SLC7A11: variants seen among roughly 807,000 people sequenced by gnomAD.
SLC7A11 encodes the protein solute carrier family 7 member 11.
In SLC7A11, 35 loss-of-function variants were observed where a neutral mutation model predicts 54.5. The observed-to-expected ratio is 0.64, with a 90% confidence interval of 0.49 to 0.85. SLC7A11 has a LOEUF of 0.85. Among genes scored for constraint, SLC7A11 ranks in the 40% least tolerant of loss-of-function variants. The pLI, the probability that SLC7A11 is intolerant of heterozygous loss-of-function variation, is 0.00. For missense variants in SLC7A11, 583 were observed against 618.1 expected, an observed-to-expected ratio of 0.94 and a Z score of 0.60; for synonymous variants, 230 against 225.2, an observed-to-expected ratio of 1.02 and a Z score of -0.19.
chr4:138,213,532 C>CCTCTCT (rs71600143), intron 6 of SLC7A11, among the ~76,000 whole-genome samples: 49,968 of 148,402 alleles, frequency 0.34, 9,097 homozygotes, highest in Middle Eastern at 0.5. Context: ...TTGTGTTTCT[C>CCTCTCT]CTCTCTCTCT....
intron 11 of SLC7A11, among the ~76,000 whole-genome samples, chr4:138,172,376 C>T (rs534161630): frequency 3.9e-5 from 6 of 152,168 alleles, no homozygotes; most frequent in African/African-American, 1.4e-4. Flanking sequence ...CTTTTTGCAC[C>T]TATGAGATTA....
intron 11 of SLC7A11, among the ~76,000 whole-genome samples, chr4:138,178,732 A>G (rs915288267): frequency 4.0e-4 from 61 of 152,098 alleles, no homozygotes; most frequent in African/African-American, 1.4e-3. Context: ...TGTTCTCTCC[A>G]TTGTTCTTGT....
chr4:138,241,537 C>G (rs533158726), intron 1 of SLC7A11, among the ~76,000 whole-genome samples: 11 of 152,118 alleles, frequency 7.2e-5, no homozygotes, highest in East Asian at 3.9e-4. Flanking sequence ...CTCATCACCA[C>G]AGAGAAAAGT....
chr4:138,237,910 C>T (rs992115059), intron 1 of SLC7A11, among the ~76,000 whole-genome samples: 2 of 149,070 alleles, frequency 1.3e-5, no homozygotes, highest in African/African-American at 4.9e-5. Context: ...TGCCAGCACG[C>T]CTGGCTAATT....
chr4:138,178,141 A>C (rs921104047), intron 11 of SLC7A11: 4 of 152,114 alleles, frequency 2.6e-5, no homozygotes, highest in Non-Finnish European at 4.4e-5. Context: ...CCTCAGTAGG[A>C]TATTATATGA....
At chr4:138,188,158 A>C (rs6842998) in intron 6 of SLC7A11, among the ~76,000 whole-genome samples, 3,007 of 152,170 alleles carry the variant, frequency 0.02, 96 homozygotes, top group African/African-American at 0.067. Flanking sequence ...CTGCCTCCCA[A>C]GTTCAAGCAA....
At chr4:138,179,828 A>G (rs367546933) in intron 10 of SLC7A11, among the ~76,000 whole-genome samples, 44 of 152,198 alleles carry the variant, frequency 2.9e-4, no homozygotes, top group African/African-American at 9.4e-4. Context: ...TTCAGTGCAT[A>G]TTGATTTTTC....
intron 3 of SLC7A11, among the ~76,000 whole-genome samples, chr4:138,227,075 G>T (rs1737962972): frequency 1.3e-5 from 2 of 152,216 alleles, no homozygotes. Context: ...GACTGAAGCT[G>T]TGATTTAAGG....
rs377578793 is a variant in SLC7A11 at position 138,186,455 on chromosome 4, T to C, written c.792-1211A>G. On this transcript the variant is annotated intron_variant, in intron 6 of 11. Transcript: ENST00000280612. Reference sequence around the variant, plus strand: ...GCGATATCCCCTGTTGAAAACATGCTAGCCTAGCCAGTCAGCAACTGTCAT... The same window carrying C: ...GCGATATCCCCTGTTGAAAACATGCCAGCCTAGCCAGTCAGCAACTGTCAT... Among the ~76,000 whole-genome samples, 7 of 152,188 alleles carry C rather than the reference T, an allele frequency of 4.6e-5. No homozygotes were observed. The East Asian group carries it at 1.2e-3, about 25-fold the overall frequency.
At chr4:138,210,130 A>G (rs1341096795) in intron 6 of SLC7A11, among the ~76,000 whole-genome samples, 1 of 152,090 alleles carries the variant, frequency 6.6e-6, no homozygotes, top group Non-Finnish European at 1.5e-5. Flanking sequence ...GTCAACAACA[A>G]TAAGCAACAG....
chr4:138,169,997 T>C lies in SLC7A11; in HGVS notation c.*1959A>G, dbSNP rs1018116507. On this transcript the variant is annotated 3_prime_UTR_variant, in exon 12 of 12. Coordinates refer to ENST00000280612, the MANE Select transcript of SLC7A11 (RefSeq NM_014331.4). ...TGGAAATGCTCCAAATTATAGGTCA[T>C]CATTTCTACTTTGGACAATTTTTTA... The C allele has an allele frequency of 2.0e-5, 3 of 151,642 alleles. No homozygotes were observed. The highest frequency in any genetic ancestry group is 4.4e-5 in the Non-Finnish European group (3 of 67,902). The allele number at this position is 151,642 out of a possible 1,614,324, so 9.4% of individuals were successfully genotyped here.
Position 138,242,173 on chromosome 4 carries a change from A to G in SLC7A11, c.-104T>C. On this transcript the variant is annotated 5_prime_UTR_variant, in exon 1 of 12. Transcript: ENST00000280612. ...GATCGATGTCTTCCTCTGCTTTCAGACTGTCTCTCTCAGCGCTATAGTGTT... is the reference window on the plus strand; with the variant it reads ...GATCGATGTCTTCCTCTGCTTTCAGGCTGTCTCTCTCAGCGCTATAGTGTT... The G allele has an allele frequency of 7.6e-7, 1 of 1,312,482 alleles. No homozygotes were observed. Among genetic ancestry groups the G allele is most frequent in the Non-Finnish European group, 1.0e-6 (1 of 957,864 alleles). 81.3% of individuals were successfully genotyped at this position (1,312,482 alleles called of 1,614,324 possible).
At chr4:138,234,584 T>G (rs1004596390) in intron 2 of SLC7A11, among the ~76,000 whole-genome samples, 5 of 152,028 alleles carry the variant, frequency 3.3e-5, no homozygotes, top group African/African-American at 9.7e-5. Context: ...TAAATTAAAG[T>G]AACATTTGAT....
At chr4:138,224,090 G>C (rs1455007400) in intron 3 of SLC7A11, among the ~76,000 whole-genome samples, 1 of 152,194 alleles carries the variant, frequency 6.6e-6, no homozygotes, top group Non-Finnish European at 1.5e-5. Flanking sequence ...CTCAAGGATA[G>C]AGCAAGGGTT....
chr4:138,208,017 T>C (rs1053957541), intron 6 of SLC7A11, among the ~76,000 whole-genome samples: 3 of 152,110 alleles, frequency 2.0e-5, no homozygotes, highest in Non-Finnish European at 4.4e-5. Flanking sequence ...TGTGGACCAT[T>C]TGTAGACCAA....
chr4:138,209,186 G>A (rs1737482135), intron 6 of SLC7A11, among the ~76,000 whole-genome samples: 1 of 151,748 alleles, frequency 6.6e-6, no homozygotes, highest in South Asian at 2.1e-4. Flanking sequence ...CTTTCTATTA[G>A]GTCACAAATT....
chr4:138,237,638 T>A (rs533854502), intron 1 of SLC7A11, among the ~76,000 whole-genome samples: 1 of 134,996 alleles, frequency 7.4e-6, no homozygotes. Flanking sequence ...CCTCAGAAGA[T>A]CCATCCACCT....
In SLC7A11 at chr4:138,170,358, C is replaced by G. The variant is rs1343370244; in HGVS notation, c.*1598G>C. The G allele has an allele frequency of 4.8e-5, 7 of 146,314 alleles. No homozygotes were observed. The highest frequency in any genetic ancestry group is 1.8e-4 in the African/African-American group (7 of 39,628). The allele number at this position is 146,314 out of a possible 1,614,324, so 9.1% of individuals were successfully genotyped here. On this transcript the variant is annotated 3_prime_UTR_variant, in exon 12 of 12. Transcript: ENST00000280612. Reference sequence around the variant, plus strand: ...TGGAGATGGAGTCTGACTTTGTCACCCAGGCTGGAGTACAGTGGTGCAATC... The same window carrying G: ...TGGAGATGGAGTCTGACTTTGTCACGCAGGCTGGAGTACAGTGGTGCAATC...
intron 6 of SLC7A11, among the ~76,000 whole-genome samples, chr4:138,196,805 A>G (rs1364131545): frequency 6.6e-6 from 1 of 152,052 alleles, no homozygotes; most frequent in African/African-American, 2.4e-5. Flanking sequence ...GATTACAGGC[A>G]ACTGCCACCA....
Sources: gnomAD v4.1 joint callset for allele counts (sites outside exome capture counted in the v4.1 genomes callset) on GRCh38, gnomAD v4.1.1 for gene constraint, MANE v1.5 for transcripts, NCBI Gene and HGNC (gene_info 2026-07-23, HGNC 2026-07-21) for gene names.